NPAS3: variants seen among roughly 807,000 people sequenced by gnomAD.
The protein encoded by NPAS3 is neuronal PAS domain protein 3.
A neutral mutation model predicts 73.1 loss-of-function variants in NPAS3; 14 were observed. That is an observed-to-expected ratio of 0.19 (90% CI 0.13 to 0.30). NPAS3 has a LOEUF of 0.30. Ranked by LOEUF, NPAS3 falls within the 10% of genes least tolerant of loss-of-function variation. The pLI, the probability that NPAS3 is intolerant of heterozygous loss-of-function variation, is 1.00. For synonymous variants in NPAS3, 620 were observed against 541.5 expected, an observed-to-expected ratio of 1.14 and a Z score of -2.01; for missense variants, 1,096 against 1,250.0, an observed-to-expected ratio of 0.88 and a Z score of 1.86.
intron 4 of NPAS3, among the ~76,000 whole-genome samples, chr14:33,464,445 G>A (rs1410098288): frequency 1.3e-5 from 2 of 152,152 alleles, no homozygotes; most frequent in East Asian, 1.9e-4. Context: ...CTGAGGTCCT[G>A]CCTTCTGAAT....
intron 4 of NPAS3, among the ~76,000 whole-genome samples, chr14:33,536,302 A>G (rs963869387): frequency 2.0e-5 from 3 of 152,208 alleles, no homozygotes; most frequent in Non-Finnish European, 4.4e-5. Flanking sequence ...ACAAAACTAC[A>G]ATTATTATTT....
At position 33,245,529 on chromosome 14, in the gene NPAS3, A is replaced by G. The variant is rs568238879; in HGVS notation, c.385+30103A>G. 5.9e-5 allele frequency among the ~76,000 whole-genome samples: 9 copies of G among 152,318 alleles called. No individual in the cohort carries two copies. In the South Asian group the frequency reaches 1.7e-3, roughly 28 times the overall value. On this transcript the variant is annotated intron_variant, in intron 3 of 11. Coordinates refer to ENST00000356141, the Ensembl canonical transcript of NPAS3. The stretch of plus-strand genomic sequence containing the variant: ...TGTTGACAAGATATTAGATTCCTTT[A>G]AAGTAGCCTATTAAAAAGTAGGTTA...
chr14:33,096,489 T>G (rs955452070), intron 2 of NPAS3, among the ~76,000 whole-genome samples: 1 of 152,226 alleles, frequency 6.6e-6, no homozygotes, highest in Admixed American at 6.5e-5. Flanking sequence ...GCAATGTGTT[T>G]AGAGAGAATT....
At chr14:33,148,720 T>C (rs992299979) in intron 2 of NPAS3, among the ~76,000 whole-genome samples, 1 of 152,220 alleles carries the variant, frequency 6.6e-6, no homozygotes, top group African/African-American at 2.4e-5. Flanking sequence ...GAGGTCTCAC[T>C]GTGTCACTGA....
At chr14:33,579,843 T>G (rs934728822) in intron 5 of NPAS3, among the ~76,000 whole-genome samples, 7 of 152,122 alleles carry the variant, frequency 4.6e-5, no homozygotes, top group African/African-American at 1.4e-4. Flanking sequence ...AAGCCAAACA[T>G]CAATGAAAAA....
intron 4 of NPAS3, among the ~76,000 whole-genome samples, chr14:33,393,559 A>G (rs1010877343): frequency 6.6e-6 from 1 of 152,194 alleles, no homozygotes; most frequent in Non-Finnish European, 1.5e-5. Context: ...GTTCCCAAAA[A>G]AGGTCGGGGG....
At chr14:33,503,466 C>T (rs959287220) in intron 4 of NPAS3, among the ~76,000 whole-genome samples, 2 of 151,776 alleles carry the variant, frequency 1.3e-5, no homozygotes, top group African/African-American at 4.8e-5. Flanking sequence ...ATAGCAAGAC[C>T]GTAATTGGTG....
chr14:33,263,217 T>TA, intron 3 of NPAS3, among the ~76,000 whole-genome samples: 1 of 152,056 alleles, frequency 6.6e-6, no homozygotes, highest in African/African-American at 2.4e-5. Context: ...TGAATGGTAT[T>TA]GCCTAGGTTT....
rs202116805 is a variant in NPAS3, at chr14:33,751,202, G to A, written c.852+15870G>A. ...GTGTTTCATGTCAACAAAATTTTTT[G>A]GAATCATTGTAAGAGAAAGAGCATT... On this transcript the variant is annotated intron_variant, in intron 7 of 11. Transcript: ENST00000356141. Among the ~76,000 whole-genome samples, 7 of 152,264 alleles carry A rather than the reference G, an allele frequency of 4.6e-5. No homozygotes were observed. In the East Asian group the frequency reaches 1.2e-3, roughly 25 times the overall value.
chr14:33,763,279 ACT>A (rs1198385259), intron 7 of NPAS3, among the ~76,000 whole-genome samples: 7 of 152,192 alleles, frequency 4.6e-5, no homozygotes, highest in Non-Finnish European at 1.0e-4. Flanking sequence ...ACCAGAAATT[ACT>A]CTCATTTAGG....
chr14:33,092,440 T>G (rs2138820309), intron 2 of NPAS3, among the ~76,000 whole-genome samples: 1 of 152,214 alleles, frequency 6.6e-6, no homozygotes, highest in South Asian at 2.1e-4. Flanking sequence ...CAAGGAGAAC[T>G]ACAAACCACT....
In NPAS3 at chr14:33,258,906, C is replaced by T. The variant is rs372437941; in HGVS notation, c.385+43480C>T. On this transcript the variant is annotated intron_variant, in intron 3 of 11. Transcript: ENST00000356141. ...CCTGCTCACTGCAAGCTCCGCCTCC[C>T]GGGTTCACGCCATCCTCCTGCCTCA... 8.5e-4 allele frequency among the ~76,000 whole-genome samples: 129 copies of T among 152,258 alleles called. 1 individual carries two copies. The highest frequency in any genetic ancestry group is 2.9e-3 in the African/African-American group (122 of 41,562).
intron 1 of NPAS3, among the ~76,000 whole-genome samples, chr14:33,041,713 G>C (rs945857950): frequency 2.0e-5 from 3 of 152,178 alleles, no homozygotes; most frequent in African/African-American, 7.2e-5. Context: ...CAGCTGAGGA[G>C]ATGAGAGATC....
rs140077909 is a variant in NPAS3, at chr14:33,621,536, T to A, written c.559-54675T>A. Among the ~76,000 whole-genome samples the A allele has an allele frequency of 2.8e-3, 427 of 152,292 alleles. 8 individuals carry two copies. Among genetic ancestry groups the A allele is most frequent in the Admixed American group, 0.025 (376 of 15,298 alleles). On this transcript the variant is annotated intron_variant, in intron 5 of 11. Transcript: ENST00000356141. ...AATGGAGGAATCTAATTTTATTAACTATCTCCATACCCCCACTATGGTTAA... is the reference window on the plus strand; with the variant it reads ...AATGGAGGAATCTAATTTTATTAACAATCTCCATACCCCCACTATGGTTAA...
intron 3 of NPAS3, among the ~76,000 whole-genome samples, chr14:33,332,627 A>C (rs2044037545): frequency 6.6e-6 from 1 of 152,178 alleles, no homozygotes; most frequent in South Asian, 2.1e-4. Flanking sequence ...CTCAGGGTAG[A>C]CAGCTGTTTG....
In NPAS3 at chr14:33,336,845, A is replaced by T. The variant is rs184165639; in HGVS notation, c.386-30341A>T. On this transcript the variant is annotated intron_variant, in intron 3 of 11. Transcript: ENST00000356141. The stretch of plus-strand genomic sequence containing the variant: ...TTGTTAATGACTGATACTGTGGACC[A>T]TCTTTTCAGGTACTTATTAGCCTTC... Among the ~76,000 whole-genome samples the T allele has an allele frequency of 4.3e-4, 62 of 145,728 alleles. No individual in the cohort carries two copies. In the Admixed American group the frequency reaches 4.3e-3, roughly 10 times the overall value.
At chr14:32,959,214 A>G (rs1216222045) in intron 1 of NPAS3, among the ~76,000 whole-genome samples, 1 of 151,998 alleles carries the variant, frequency 6.6e-6, no homozygotes. Flanking sequence ...GAACTTCTTT[A>G]TTTCTGCCTC....
intron 4 of NPAS3, among the ~76,000 whole-genome samples, chr14:33,427,606 C>G (rs1276066221): frequency 6.6e-6 from 1 of 151,714 alleles, no homozygotes; most frequent in Non-Finnish European, 1.5e-5. Context: ...AGACTGTGTT[C>G]CTGTTGAACT....
intron 4 of NPAS3, among the ~76,000 whole-genome samples, chr14:33,401,302 C>T (rs2138752213): frequency 6.6e-6 from 1 of 152,242 alleles, no homozygotes; most frequent in South Asian, 2.1e-4. Context: ...TGCTGTTACC[C>T]TGGCCAGATC....
Sources: allele counts gnomAD v4.1 joint callset (sites outside exome capture counted in the v4.1 genomes callset), GRCh38; gene constraint gnomAD v4.1.1; transcripts MANE v1.5; gene names NCBI Gene and HGNC (gene_info 2026-07-23, HGNC 2026-07-21).